PPP1R16B: variants seen among roughly 807,000 people sequenced by gnomAD.
PPP1R16B encodes the protein protein phosphatase 1 regulatory inhibitor subunit 16B.
A neutral mutation model predicts 61.7 loss-of-function variants in PPP1R16B; 14 were observed. The observed-to-expected ratio is 0.23, with a 90% confidence interval of 0.15 to 0.35. The LOEUF (loss-of-function observed/expected upper bound fraction) is 0.35, where lower values mean the gene tolerates loss of function less well. Among genes scored for constraint, PPP1R16B ranks in the 10% least tolerant of loss-of-function variants. The probability of loss-of-function intolerance (pLI) is 1.00; values close to 1 mark genes in which losing one functional copy is unlikely to be tolerated. For missense variants in PPP1R16B, 547 were observed against 752.5 expected (o/e 0.73, Z 3.19); for synonymous variants, 266 against 305.3 (o/e 0.87, Z 1.34).
intron 2 of PPP1R16B, among the ~76,000 whole-genome samples, chr20:38,858,525 A>C (rs1443670390): frequency 6.6e-6 from 1 of 152,222 alleles, no homozygotes; most frequent in Non-Finnish European, 1.5e-5. Context: ...TCCTGGTGGA[A>C]AGCAAAGGAA....
chr20:38,823,782 C>T (rs1308192968), intron 1 of PPP1R16B, among the ~76,000 whole-genome samples: 1 of 152,120 alleles, frequency 6.6e-6, no homozygotes, highest in Non-Finnish European at 1.5e-5. Context: ...GCCCAAGGCT[C>T]CAAAAGTGAT....
At position 38,908,084 on chromosome 20, in the gene PPP1R16B, A is replaced by G. The variant is rs754613604; in HGVS notation, c.1085A>G (p.Tyr362Cys). 3 of 1,614,238 alleles carry G rather than the reference A, an allele frequency of 1.9e-6. No individual in the cohort carries two copies. The highest frequency in any genetic ancestry group is 2.5e-6 in the Non-Finnish European group (3 of 1,180,042). The change falls in exon 10 of 11, where the codon TAT (tyrosine) becomes TGT (cysteine). Residue 362 changes from tyrosine to cysteine, a missense_variant. Tyr to Cys is a radical substitution (Grantham distance 194). Coordinates refer to ENST00000299824, the MANE Select transcript of PPP1R16B (RefSeq NM_015568.4). ...AGGACCAACCTGTATAGGAAGGAGT[A>G]TGAGGGAGAGGCCATCCTGTGGCAG... ...SDRTNLYRKE[Y>C]EGEAILWQRS...
At chr20:38,915,880 C>T (rs2085533074) in intron 10 of PPP1R16B, among the ~76,000 whole-genome samples, 1 of 151,746 alleles carries the variant, frequency 6.6e-6, no homozygotes. Context: ...TAAGCATCAG[C>T]AGGAAATTCT....
intron 2 of PPP1R16B, among the ~76,000 whole-genome samples, chr20:38,875,281 G>A (rs554347023): frequency 3.9e-5 from 6 of 152,258 alleles, no homozygotes; most frequent in African/African-American, 9.6e-5. Flanking sequence ...GCTCCCCTCC[G>A]GGCCCAGCCA....
chr20:38,846,137 T>C (rs1185646254), intron 2 of PPP1R16B, among the ~76,000 whole-genome samples: 1 of 152,196 alleles, frequency 6.6e-6, no homozygotes, highest in African/African-American at 2.4e-5. Context: ...TTGAGTTCTA[T>C]AGGACTGTCC....
At chr20:38,834,880 A>G (rs1470166940) in intron 1 of PPP1R16B, among the ~76,000 whole-genome samples, 1 of 152,150 alleles carries the variant, frequency 6.6e-6, no homozygotes. Context: ...AACAAAAAAA[A>G]TTTAGTGAGA....
At chr20:38,836,269 G>T in intron 2 of PPP1R16B, 94 bp downstream of exon 2, 1 of 1,495,628 alleles carries the variant, frequency 6.7e-7, no homozygotes, top group Non-Finnish European at 8.9e-7. Context: ...TGTGGGCAAG[G>T]CAGGTCTGCA....
At chr20:38,854,055 C>G (rs2084986878) in intron 2 of PPP1R16B, among the ~76,000 whole-genome samples, 1 of 152,188 alleles carries the variant, frequency 6.6e-6, no homozygotes, top group African/African-American at 2.4e-5. Flanking sequence ...ATCTACCACA[C>G]ATTCTAGACT....
Position 38,895,587 on chromosome 20 carries a change from A to C in PPP1R16B, c.344A>C (p.Glu115Ala), listed in dbSNP as rs1480858382. Residue 115 changes from glutamate (E) to alanine (A), a missense_variant, in exon 4 of 11, where the codon GAA becomes GCA. By Grantham distance (107) the Glu-to-Ala change is moderately radical. Coordinates refer to ENST00000299824, the MANE Select transcript of PPP1R16B (RefSeq NM_015568.4). ...CAGTGCTGCATCGACAACTTTGAGG[A>C]AATTGTGAAGCTGCTCCTCTCCCAT... ...LHQCCIDNFE[E>A]IVKLLLSHGA... 4 of 1,613,804 alleles carry C rather than the reference A, an allele frequency of 2.5e-6. No homozygotes were observed. The highest frequency in any genetic ancestry group is 3.4e-6 in the Non-Finnish European group (4 of 1,179,846).
intron 3 of PPP1R16B, among the ~76,000 whole-genome samples, chr20:38,893,265 A>G (rs747605231): frequency 1.3e-5 from 2 of 152,150 alleles, no homozygotes; most frequent in Non-Finnish European, 2.9e-5. Flanking sequence ...TGCTATTGTT[A>G]TCACTGCTAT....
rs2085450623 is a variant in PPP1R16B, at chr20:38,907,194, G to C, written c.898+140G>C. On this transcript the variant is annotated intron_variant, in intron 8 of 10. Transcript: ENST00000299824. This position sits in a 1 kb window ranked among gnomAD's most constrained non-coding sequence, Gnocchi z 4.5. The stretch of plus-strand genomic sequence containing the variant: ...TAGATAGATGGATTAATTAATGGAT[G>C]GTAGATGAATGGACGGATGGACAGA... 1.5e-6 allele frequency: 1 copy of C among 686,172 alleles called. No homozygotes were observed. The highest frequency in any genetic ancestry group is 2.5e-6 in the Non-Finnish European group (1 of 393,242). The allele number at this position is 686,172 out of a possible 1,614,324, so 42.5% of individuals were successfully genotyped here. A position where few individuals can be genotyped will look rare whatever the true frequency, so the allele number is the denominator to read the frequency against.
At chr20:38,914,063 A>G (rs2085513347) in intron 10 of PPP1R16B, among the ~76,000 whole-genome samples, 1 of 152,010 alleles carries the variant, frequency 6.6e-6, no homozygotes. Context: ...GGTGCCTGTA[A>G]TGCCAGCTAC....
Position 38,919,485 on chromosome 20 carries a change from A to G in PPP1R16B, c.*819A>G, listed in dbSNP as rs931111794. ...AGTGTCAAAGGCAGAAGGGTGTGGG[A>G]GGGGGACAAGGTCAGTATTTACCAA... On this transcript the variant is annotated 3_prime_UTR_variant, in exon 11 of 11. Coordinates refer to ENST00000299824, the MANE Select transcript of PPP1R16B (RefSeq NM_015568.4). 3 of 152,316 alleles carry G rather than the reference A, an allele frequency of 2.0e-5. No individual in the cohort carries two copies. Among genetic ancestry groups the G allele is most frequent in the African/African-American group, 7.2e-5 (3 of 41,556 alleles). 9.4% of individuals were successfully genotyped at this position (152,316 alleles called of 1,614,324 possible).
At chr20:38,857,899 T>C (rs2085019059) in intron 2 of PPP1R16B, among the ~76,000 whole-genome samples, 1 of 152,130 alleles carries the variant, frequency 6.6e-6, no homozygotes, top group African/African-American at 2.4e-5. Context: ...GACACTATCT[T>C]ATCTGAGGCG....
In PPP1R16B at chr20:38,918,842, C is replaced by A; in HGVS notation, c.*176C>A. On this transcript the variant is annotated 3_prime_UTR_variant, in exon 11 of 11. Coordinates refer to ENST00000299824, the MANE Select transcript of PPP1R16B (RefSeq NM_015568.4). The surrounding 1 kb of genome is among the most constrained non-coding windows in gnomAD (Gnocchi z 5.3). ...CCCATAGCATCCCATGTCCCACGTCCCGTGGTTCTGCTTCCTGCTGCATCG... is the reference window on the plus strand; with the variant it reads ...CCCATAGCATCCCATGTCCCACGTCACGTGGTTCTGCTTCCTGCTGCATCG... 1 of 757,880 alleles carries A rather than the reference C, an allele frequency of 1.3e-6. No homozygotes were observed. Among genetic ancestry groups the A allele is most frequent in the Non-Finnish European group, 1.9e-6 (1 of 528,704 alleles). The allele number at this position is 757,880 out of a possible 1,614,324, so 46.9% of individuals were successfully genotyped here.
intron 2 of PPP1R16B, among the ~76,000 whole-genome samples, chr20:38,846,491 G>A (rs1358309198): frequency 6.6e-6 from 1 of 152,186 alleles, no homozygotes; most frequent in Non-Finnish European, 1.5e-5. Flanking sequence ...CAGAAGCCTG[G>A]AAGAAAGGAC....
chr20:38,915,438 T>C (rs2145787031), intron 10 of PPP1R16B, among the ~76,000 whole-genome samples: 1 of 152,346 alleles, frequency 6.6e-6, no homozygotes, highest in South Asian at 2.1e-4. Context: ...TTTTCCAAAA[T>C]GTTATATACG....
At position 38,813,353 on chromosome 20, in the gene PPP1R16B, G is replaced by A. The variant is rs183361395; in HGVS notation, c.-102+7561G>A. Among the ~76,000 whole-genome samples, 6 of 152,362 alleles carry A rather than the reference G, an allele frequency of 3.9e-5. No homozygotes were observed. In the East Asian group the frequency reaches 1.2e-3, roughly 29 times the overall value. On this transcript the variant is annotated intron_variant, in intron 1 of 10. Transcript: ENST00000299824. ...GGACTTGTGAGAAGTACAGATGCCT[G>A]GGCCTTAGCCCAGTCCACCTGTGTT...
chr20:38,911,782 C>T (rs913543908), intron 10 of PPP1R16B, among the ~76,000 whole-genome samples: 10 of 152,196 alleles, frequency 6.6e-5, no homozygotes, highest in African/African-American at 1.9e-4. Flanking sequence ...AACGATCCAC[C>T]CTCCTCGGCC....
Sources: gnomAD v4.1 joint callset for allele counts (sites outside exome capture counted in the v4.1 genomes callset) on GRCh38, gnomAD v4.1.1 for gene constraint, Gnocchi (gnomAD v3.1) non-coding constraint, MANE v1.5 for transcripts, NCBI Gene and HGNC (gene_info 2026-07-23, HGNC 2026-07-21) for gene names.